Variants in B3GALT1 observed in about 807,000 individuals in gnomAD.
B3GALT1 encodes UDP-Gal:betaGlcNAc beta 1,3-galactosyltransferase, polypeptide 1.
A neutral mutation model predicts 23.2 loss-of-function variants in B3GALT1; 10 were observed. That is an observed-to-expected ratio of 0.43 (90% CI 0.27 to 0.73). The LOEUF (loss-of-function observed/expected upper bound fraction) is 0.73. B3GALT1 is among the 30% of genes least tolerant of loss of function. B3GALT1 has a pLI of 0.21. For synonymous variants in B3GALT1, 156 were observed against 141.5 expected (o/e 1.10, Z -0.73); for missense variants, 299 against 405.4 (o/e 0.74, Z 2.25).
chr2:167,559,900 A>G lies in B3GALT1; in HGVS notation c.-410+69623A>G, dbSNP rs1362271918. ...CACTCTGCAGGATGTTATCCAGGAGAACTTCCCCAATCTAGCAAGGCAGGC... is the reference window on the plus strand; with the variant it reads ...CACTCTGCAGGATGTTATCCAGGAGGACTTCCCCAATCTAGCAAGGCAGGC... On this transcript the variant is annotated intron_variant, in intron 2 of 4. Coordinates refer to ENST00000392690, the MANE Select transcript of B3GALT1 (RefSeq NM_020981.4). 2.0e-5 allele frequency among the ~76,000 whole-genome samples: 3 copies of G among 152,324 alleles called. No individual in the cohort carries two copies. The South Asian group carries it at 6.2e-4, about 32-fold the overall frequency.
chr2:167,430,548 G>A (rs1698691360), intron 1 of B3GALT1, among the ~76,000 whole-genome samples: 1 of 152,164 alleles, frequency 6.6e-6, no homozygotes, highest in South Asian at 2.1e-4. Flanking sequence ...AGCAGTGGAA[G>A]TGGTGAAAGA....
intron 3 of B3GALT1, among the ~76,000 whole-genome samples, chr2:167,723,074 C>G (rs1237530198): frequency 6.6e-6 from 1 of 152,206 alleles, no homozygotes. Context: ...TATCACTTAA[C>G]TAGTGTCAGC....
intron 3 of B3GALT1, among the ~76,000 whole-genome samples, chr2:167,678,011 C>G (rs757453306): frequency 6.6e-5 from 10 of 152,164 alleles, no homozygotes; most frequent in Admixed American, 1.3e-4. Flanking sequence ...GGTCCCTCCC[C>G]CAACACGTGC....
intron 1 of B3GALT1, among the ~76,000 whole-genome samples, chr2:167,352,733 A>C (rs1697336599): frequency 1.6e-4 from 1 of 6,156 alleles, no homozygotes; most frequent in Non-Finnish European, 1.1e-3. Context: ...AAAGAAAAAA[A>C]AACAAACAAA....
Position 167,557,873 on chromosome 2 carries a change from T to C in B3GALT1, c.-410+67596T>C, listed in dbSNP as rs553445593. Among the ~76,000 whole-genome samples the C allele has an allele frequency of 2.6e-5, 4 of 152,332 alleles. No individual in the cohort carries two copies. The East Asian group carries it at 5.8e-4, about 22-fold the overall frequency. Reference sequence around the variant, plus strand: ...AATCTGTTGGCCAGCATCACTTATATAGTAGTTTTATATTCAGTCTAAACC... The same window carrying C: ...AATCTGTTGGCCAGCATCACTTATACAGTAGTTTTATATTCAGTCTAAACC... On this transcript the variant is annotated intron_variant, in intron 2 of 4. Transcript: ENST00000392690.
chr2:167,632,309 C>T (rs1354894758), intron 2 of B3GALT1, among the ~76,000 whole-genome samples: 4 of 152,062 alleles, frequency 2.6e-5, no homozygotes, highest in Admixed American at 6.6e-5. Flanking sequence ...GGTATATACC[C>T]AGTGATGGGA....
chr2:167,690,173 ACAAT>A (rs1299914109), intron 3 of B3GALT1, among the ~76,000 whole-genome samples: 1 of 152,120 alleles, frequency 6.6e-6, no homozygotes, highest in African/African-American at 2.4e-5. Context: ...AATGACAAAA[ACAAT>A]CAATTTAAAA....
chr2:167,773,445 G>A (rs921556383), intron 3 of B3GALT1, among the ~76,000 whole-genome samples: 1 of 151,994 alleles, frequency 6.6e-6, no homozygotes, highest in African/African-American at 2.4e-5. Context: ...TTTTACAAAA[G>A]AGCTGCATAA....
In B3GALT1 at chr2:167,869,101, G is replaced by A; in HGVS notation, c.62G>A (p.Trp21Ter). The A allele has an allele frequency of 6.2e-7, 1 of 1,614,108 alleles. No homozygotes were observed. Among genetic ancestry groups the A allele is most frequent in the Non-Finnish European group, 8.5e-7 (1 of 1,180,028 alleles). Reference protein sequence around the residue: ...LTVVCWASALWYLSITRPTSS... With the variant: ...LTVVCWASAL The stretch of plus-strand genomic sequence containing the variant: ...GTTGTGTGCTGGGCCAGCGCTCTCT[G>A]GTACTTGAGTATAACTCGCCCTACT... Residue 21 changes from tryptophan to a stop codon, truncating the protein, a stop_gained, in exon 5 of 5, where the codon TGG becomes TAG. Transcript: ENST00000392690. LOFTEE classifies it high-confidence loss of function. The surrounding 1 kb of genome is among the most constrained non-coding windows in gnomAD (Gnocchi z 6.4).
chr2:167,644,732 A>T (rs905146008), intron 2 of B3GALT1, among the ~76,000 whole-genome samples: 3 of 147,382 alleles, frequency 2.0e-5, no homozygotes, highest in Non-Finnish European at 3.0e-5. Context: ...GTGAGCCAAG[A>T]TCGCACCACT....
At chr2:167,754,730 C>T (rs1412586131) in intron 3 of B3GALT1, among the ~76,000 whole-genome samples, 3 of 151,982 alleles carry the variant, frequency 2.0e-5, no homozygotes, top group Non-Finnish European at 2.9e-5. Flanking sequence ...TCTAGAAGCA[C>T]CCACTGAGTT....
At chr2:167,377,512 G>A (rs557281562) in intron 1 of B3GALT1, among the ~76,000 whole-genome samples, 40 of 152,044 alleles carry the variant, frequency 2.6e-4, no homozygotes, top group Non-Finnish European at 5.3e-4. Flanking sequence ...GTGCTCTAAT[G>A]TTCAGTGTGT....
chr2:167,790,829 A>G (rs1688426365), intron 3 of B3GALT1, among the ~76,000 whole-genome samples: 1 of 152,106 alleles, frequency 6.6e-6, no homozygotes, highest in Admixed American at 6.5e-5. Context: ...TCAATTTTGC[A>G]CCTTTTAATG....
chr2:167,802,356 A>C (rs1424607909), intron 3 of B3GALT1, among the ~76,000 whole-genome samples: 1 of 152,130 alleles, frequency 6.6e-6, no homozygotes, highest in East Asian at 1.9e-4. Flanking sequence ...TGGAGCCAGC[A>C]CCTCACTGGC....
At chr2:167,435,001 G>C (rs1008224956) in intron 1 of B3GALT1, among the ~76,000 whole-genome samples, 1 of 151,940 alleles carries the variant, frequency 6.6e-6, no homozygotes, top group African/African-American at 2.4e-5. Context: ...AAATACTGGG[G>C]CTTGTTCTTA....
intron 4 of B3GALT1, among the ~76,000 whole-genome samples, chr2:167,836,808 A>C (rs959984846): frequency 3.3e-5 from 5 of 152,274 alleles, no homozygotes; most frequent in Non-Finnish European, 7.3e-5. Context: ...AGGGAAGCCC[A>C]TCAGACTAAC....
intron 2 of B3GALT1, among the ~76,000 whole-genome samples, chr2:167,576,323 T>C (rs1341921872): frequency 6.6e-6 from 1 of 151,752 alleles, no homozygotes; most frequent in African/African-American, 2.4e-5. Flanking sequence ...ATCACAGAAA[T>C]ATTGTATATA....
At chr2:167,517,418 TA>T (rs979661198) in intron 2 of B3GALT1, among the ~76,000 whole-genome samples, 11 of 151,864 alleles carry the variant, frequency 7.2e-5, no homozygotes, top group East Asian at 3.9e-4. Context: ...AAGAAGGAGT[TA>T]AAAAAAATAG....
chr2:167,833,846 G>A (rs1689400618), intron 4 of B3GALT1, among the ~76,000 whole-genome samples: 2 of 152,160 alleles, frequency 1.3e-5, no homozygotes. Context: ...AGCTCCTGCT[G>A]TAATTCCTAA....
Sources: gnomAD v4.1 joint callset for allele counts (sites outside exome capture counted in the v4.1 genomes callset) on GRCh38, gnomAD v4.1.1 for gene constraint, Gnocchi (gnomAD v3.1) non-coding constraint, MANE v1.5 for transcripts, NCBI Gene and HGNC (gene_info 2026-07-23, HGNC 2026-07-21) for gene names.